TBCD: variants seen among roughly 807,000 people sequenced by gnomAD.
TBCD encodes the protein tubulin folding cofactor D.
In TBCD, 105 loss-of-function variants were observed where a neutral mutation model predicts 169.3. The observed-to-expected ratio is 0.62, with a 90% CI of 0.53 to 0.73. The LOEUF (loss-of-function observed/expected upper bound fraction) is 0.73. Among genes scored for constraint, TBCD ranks in the 30% least tolerant of loss-of-function variants. The probability of loss-of-function intolerance (pLI) is 0.00; values close to 1 mark genes in which losing one functional copy is unlikely to be tolerated. For missense variants in TBCD, 1,444 were observed against 1,600.1 expected (o/e 0.90, Z 1.66); for synonymous variants, 700 against 643.9 (o/e 1.09, Z -1.32).
intron 17 of TBCD, among the ~76,000 whole-genome samples, chr17:82,899,373 G>A (rs572237004): frequency 6.6e-6 from 1 of 150,482 alleles, no homozygotes; most frequent in South Asian, 2.1e-4. Context: ...CGTCCTCAGC[G>A]CACGTGTCCT....
Position 82,835,159 on chromosome 17 carries a change from G to A in TBCD, c.1318+20225G>A, listed in dbSNP as rs935275006. Among the ~76,000 whole-genome samples, 1 of 152,150 alleles carries A rather than the reference G, an allele frequency of 6.6e-6. No individual in the cohort carries two copies. On this transcript the variant is annotated intron_variant, in intron 13 of 38. Coordinates refer to ENST00000355528, the MANE Select transcript of TBCD (RefSeq NM_005993.5). This position sits in a 1 kb window ranked among gnomAD's most constrained non-coding sequence, Gnocchi z 4.5. ...CAGATGTGCCCATTCTTGAGTCTGT[G>A]AGGTTTTATGTGTAGACATCAGGGT...
At chr17:82,902,922 C>T (rs1056980838) in intron 18 of TBCD, among the ~76,000 whole-genome samples, 8 of 152,108 alleles carry the variant, frequency 5.3e-5, no homozygotes, top group Admixed American at 3.3e-4. Flanking sequence ...CCTCTTGAGC[C>T]GGTCCTGGGT....
At chr17:82,838,181 G>C (rs2054146435) in intron 13 of TBCD, among the ~76,000 whole-genome samples, 2 of 152,238 alleles carry the variant, frequency 1.3e-5, no homozygotes, top group Admixed American at 6.5e-5. Context: ...CCATGGGGTT[G>C]TGTCTAAATT....
intron 8 of TBCD, among the ~76,000 whole-genome samples, chr17:82,799,342 C>T (rs1292657409): frequency 2.1e-5 from 3 of 143,036 alleles, no homozygotes; most frequent in African/African-American, 5.2e-5. Flanking sequence ...ACTCGGGAGG[C>T]GGAGGCAGGA....
intron 23 of TBCD, among the ~76,000 whole-genome samples, chr17:82,912,489 A>T (rs1024198725): frequency 6.6e-6 from 1 of 152,222 alleles, no homozygotes. Flanking sequence ...AGGTCCAGGG[A>T]GCTGGATTCC....
chr17:82,816,082 C>T (rs923343604), intron 13 of TBCD, among the ~76,000 whole-genome samples: 2 of 152,176 alleles, frequency 1.3e-5, no homozygotes, highest in African/African-American at 4.8e-5. Flanking sequence ...GCACCCCCGC[C>T]CTGGCAGCCA....
chr17:82,935,392 T>A (rs1421096259), intron 34 of TBCD, among the ~76,000 whole-genome samples: 1 of 152,200 alleles, frequency 6.6e-6, no homozygotes, highest in Non-Finnish European at 1.5e-5. Context: ...AGCTTTTACC[T>A]GCCTCCTTCA....
chr17:82,839,866 A>T (rs74002551), intron 13 of TBCD: 1 of 152,256 alleles, frequency 6.6e-6, no homozygotes, highest in Admixed American at 6.5e-5. Context: ...GGTATTTTAG[A>T]TACGTCTGAG....
intron 13 of TBCD, among the ~76,000 whole-genome samples, chr17:82,849,875 AGGCTGTGCTGCTGTT>A (rs1208441297): frequency 3.9e-4 from 59 of 151,988 alleles, no homozygotes; most frequent in African/African-American, 1.4e-3. Context: ...GCAGCTCTTG[AGGCTGTGCTGCTGTT>A]GGCTGTGCTG....
rs2061357936 is a variant in TBCD at position 82,920,546 on chromosome 17, T to TC, written c.2039-10_2039-9insC. The stretch of plus-strand genomic sequence containing the variant: ...AACATTGCGTCTATCCTTTTTTTTT[T>TC]TTTTTCCAGTGTGTGTTTTAATAGA... On this transcript the variant is annotated splice_polypyrimidine_tract_variant and intron_variant, in intron 23 of 38. Coordinates refer to ENST00000355528, the MANE Select transcript of TBCD (RefSeq NM_005993.5). The surrounding 1 kb of genome is among the most constrained non-coding windows in gnomAD (Gnocchi z 4.1). 1.2e-5 allele frequency: 19 copies of TC among 1,533,646 alleles called. No homozygotes were observed. In the African/African-American group the frequency reaches 1.7e-4, roughly 14 times the overall value.
Position 82,941,473 on chromosome 17 carries a change from T to C in TBCD, c.3554T>C (p.Leu1185Pro), listed in dbSNP as rs2292969. ...CDLLGVPRPQ[L>P]VPQPGAC The stretch of plus-strand genomic sequence containing the variant: ...CTTCTGGGCGTACCCAGGCCCCAGC[T>C]GGTGCCCCAGGTAACCCTGTCACCT... Residue 1185 changes from leucine to proline, a missense_variant, in exon 38 of 39, where the codon CTG becomes CCG. Transcript: ENST00000355528. 7.5e-3 allele frequency: 12,046 copies of C among 1,596,780 alleles called. 79 individuals carry two copies. Among genetic ancestry groups the C allele is most frequent in the East Asian group, 0.016 (705 of 44,200 alleles).
In TBCD at chr17:82,900,715, A is replaced by G. The variant is rs1459567747; in HGVS notation, c.1714A>G (p.Ile572Val). Residue 572 changes from isoleucine (I) to valine (V), a missense_variant, in exon 18 of 39, where the codon ATC becomes GTC. By Grantham distance (29) the Ile-to-Val change is conservative. Coordinates refer to ENST00000355528, the MANE Select transcript of TBCD (RefSeq NM_005993.5). ...GATAGACCACCTGGTTACCATGAAG[A>G]TCAGCCACTGGGATGGGTAGGTTTT... Reference protein sequence around the residue: ...PMIDHLVTMKISHWDGVIREL... With the variant: ...PMIDHLVTMKVSHWDGVIREL... 21 of 1,613,992 alleles carry G rather than the reference A, an allele frequency of 1.3e-5. No individual in the cohort carries two copies. The highest frequency in any genetic ancestry group is 1.8e-5 in the Non-Finnish European group (21 of 1,179,844).
intron 34 of TBCD, among the ~76,000 whole-genome samples, chr17:82,936,115 C>T (rs1378348700): frequency 1.3e-5 from 2 of 152,184 alleles, no homozygotes; most frequent in Non-Finnish European, 2.9e-5. Context: ...TTGCTCCTTC[C>T]CTGGTTTTTC....
intron 13 of TBCD, chr17:82,838,551 T>A: frequency 1.5e-6 from 1 of 649,088 alleles, no homozygotes; most frequent in Non-Finnish European, 1.9e-6. Flanking sequence ...AATATTGTGA[T>A]GTGGCGTTGT....
chr17:82,798,625 C>T (rs373390148), intron 8 of TBCD, among the ~76,000 whole-genome samples: 1 of 152,066 alleles, frequency 6.6e-6, no homozygotes, highest in Non-Finnish European at 1.5e-5. Context: ...CCAGGGGTCT[C>T]GTGAGGGAGG....
chr17:82,836,404 G>A (rs947609927), intron 13 of TBCD, among the ~76,000 whole-genome samples: 6 of 152,242 alleles, frequency 3.9e-5, no homozygotes, highest in Non-Finnish European at 8.8e-5. Flanking sequence ...GGATCGAAAC[G>A]ATGACAGTTG....
chr17:82,852,163 C>G (rs544755618), intron 13 of TBCD, among the ~76,000 whole-genome samples: 3 of 139,072 alleles, frequency 2.2e-5, no homozygotes, highest in South Asian at 2.8e-4. Flanking sequence ...ATAAACCCCC[C>G]CTCCTAGACA....
intron 13 of TBCD, among the ~76,000 whole-genome samples, chr17:82,819,471 A>C (rs1302396577): frequency 6.6e-6 from 1 of 152,222 alleles, no homozygotes. Context: ...CACCACGCCC[A>C]GCTAATTTTT....
At chr17:82,817,166 C>T (rs1045159868) in intron 13 of TBCD, among the ~76,000 whole-genome samples, 10 of 152,036 alleles carry the variant, frequency 6.6e-5, no homozygotes, top group Admixed American at 2.6e-4. Context: ...AGTCTTGCTC[C>T]GTTGCCCAGG....
Sources: allele counts gnomAD v4.1 joint callset (sites outside exome capture counted in the v4.1 genomes callset), GRCh38; gene constraint gnomAD v4.1.1; non-coding constraint Gnocchi (gnomAD v3.1); transcripts MANE v1.5; gene names NCBI Gene and HGNC (gene_info 2026-07-23, HGNC 2026-07-21).